Variants in EFCAB12 observed in about 807,000 individuals in gnomAD.
EFCAB12 encodes the protein EF-hand calcium binding domain 12, also known as EF-hand calcium-binding domain-containing protein 12.
In EFCAB12, 43 loss-of-function variants were observed where a neutral mutation model predicts 53.6. That is an observed-to-expected ratio of 0.80 (90% confidence interval 0.63 to 1.03). The LOEUF is 1.03. Ranked by LOEUF, EFCAB12 falls within the 50% of genes least tolerant of loss-of-function variation. EFCAB12 has a pLI of 0.00. For synonymous variants in EFCAB12, 269 were observed against 289.2 expected (o/e 0.93, Z 0.71); for missense variants, 646 against 730.6 (o/e 0.88, Z 1.34).
chr3:129,414,783 C>A (rs2072091806), intron 4 of EFCAB12: 1 of 152,584 alleles, frequency 6.6e-6, no homozygotes, highest in African/African-American at 2.4e-5. Flanking sequence ...AGCAACCCTG[C>A]CATAATACCC....
intron 1 of EFCAB12, among the ~76,000 whole-genome samples, chr3:129,424,917 C>T (rs1368667047): frequency 1.3e-5 from 2 of 152,082 alleles, no homozygotes; most frequent in East Asian, 1.9e-4. Context: ...ACTGTGGGAC[C>T]TGGGAGGGCA....
chr3:129,411,060 C>G (rs2072030874), intron 5 of EFCAB12, 98 bp downstream of exon 5: 4 of 1,378,392 alleles, frequency 2.9e-6, no homozygotes, highest in East Asian at 2.6e-5. Flanking sequence ...ACCCCCCTCC[C>G]CAGGGTTCTG....
intron 3 of EFCAB12, among the ~76,000 whole-genome samples, chr3:129,417,336 A>C (rs565478789): frequency 0.018 from 2,456 of 135,216 alleles, 68 homozygotes; most frequent in East Asian, 0.064. Flanking sequence ...AAAAAAAAAA[A>C]AAACCAAAAA....
intron 7 of EFCAB12, 102 bp downstream of exon 7, chr3:129,404,148 A>C: frequency 6.8e-7 from 1 of 1,477,584 alleles, no homozygotes; most frequent in Non-Finnish European, 9.1e-7. Flanking sequence ...AGACGCAAGC[A>C]CAGCATGGCG....
At chr3:129,408,239 T>C (rs1364767547) in intron 6 of EFCAB12, among the ~76,000 whole-genome samples, 2 of 152,234 alleles carry the variant, frequency 1.3e-5, no homozygotes, top group African/African-American at 4.8e-5. Context: ...AAAGGCTTTG[T>C]TTTGATAGCA....
rs751359158 is a variant in EFCAB12, at chr3:129,421,454, C to T, written c.399G>A (p.Thr133=). ...TGTGTAAGACCTTGGCCTCTGAAGGCGTGATGCTGGGCTTGTTCTCCAGCC... is the reference window on the plus strand; with the variant it reads ...TGTGTAAGACCTTGGCCTCTGAAGGTGTGATGCTGGGCTTGTTCTCCAGCC... ...KRWLENKPSI[T]PSEAKVLHMI... Residue 133 remains threonine, a synonymous_variant, in exon 2 of 9, where the codon ACG becomes ACA. Coordinates refer to ENST00000505956, the MANE Select transcript of EFCAB12 (RefSeq NM_207307.3). 4.1e-5 allele frequency: 66 copies of T among 1,613,932 alleles called. No individual in the cohort carries two copies. The highest frequency in any genetic ancestry group is 2.0e-4 in the South Asian group (18 of 91,096).
intron 1 of EFCAB12, among the ~76,000 whole-genome samples, chr3:129,422,807 C>G (rs1238744760): frequency 6.6e-6 from 1 of 152,170 alleles, no homozygotes. Context: ...ACAGGCTCCC[C>G]CATTCCTTTT....
At chr3:129,424,496 A>G (rs532385855) in intron 1 of EFCAB12, among the ~76,000 whole-genome samples, 19 of 152,288 alleles carry the variant, frequency 1.2e-4, no homozygotes, top group African/African-American at 3.8e-4. Flanking sequence ...GCCTTCTGCC[A>G]TGATTGTAAG....
intron 4 of EFCAB12, chr3:129,414,748 A>G (rs2072091140): frequency 6.6e-6 from 1 of 152,446 alleles, no homozygotes; most frequent in Admixed American, 6.5e-5. Flanking sequence ...AACTTGAGCC[A>G]TGTACAACCT....
chr3:129,408,638 CCCTTA>C lies in EFCAB12; in HGVS notation c.1249+2_1249+6del. 1 of 1,561,030 alleles carries C rather than the reference CCCTTA, an allele frequency of 6.4e-7. No homozygotes were observed. The highest frequency in any genetic ancestry group is 8.7e-7 in the Non-Finnish European group (1 of 1,151,534). ...ATCTTCCTAGGGCCAGCTACCGAGG[CCCTTA>C]CCTTTCATGAGGATGTCCTCTGTCA... On this transcript the variant is annotated splice_donor_variant and splice_donor_5th_base_variant and intron_variant, in intron 6 of 8. Transcript: ENST00000505956. LOFTEE classifies it high-confidence loss of function.
chr3:129,418,165 A>T (rs2072141629), intron 3 of EFCAB12, 89 bp downstream of exon 3: 1 of 1,270,098 alleles, frequency 7.9e-7, no homozygotes, highest in Non-Finnish European at 1.1e-6. Context: ...AGAACCCAGC[A>T]TGGCGGGGGA....
rs536684561 is a variant in EFCAB12 at position 129,410,210 on chromosome 3, G to C, written c.1035+948C>G. On this transcript the variant is annotated intron_variant, in intron 5 of 8. Transcript: ENST00000505956. The stretch of plus-strand genomic sequence containing the variant: ...TTTTGTGTAGAGACGGGGCCTTGCT[G>C]TGTTGCCCAGGCTGGTCTCAAACTC... Among the ~76,000 whole-genome samples, 2 of 151,768 alleles carry C rather than the reference G, an allele frequency of 1.3e-5. 1 individual carries two copies. The highest frequency in any genetic ancestry group is 4.1e-4 in the South Asian group (2 of 4,820).
At chr3:129,425,419 T>C (rs2072259357) in intron 1 of EFCAB12, among the ~76,000 whole-genome samples, 1 of 151,184 alleles carries the variant, frequency 6.6e-6, no homozygotes, top group Admixed American at 6.6e-5. Flanking sequence ...CCCTCACTCA[T>C]GTGGTCCCAG....
chr3:129,418,475 A>C (rs1222100060), intron 2 of EFCAB12, 27 bp from the exon 3 acceptor site: 2 of 1,569,508 alleles, frequency 1.3e-6, no homozygotes, highest in Admixed American at 3.8e-5. Context: ...GGTAGGGCAG[A>C]GGAGAGAGTT....
chr3:129,415,394 A>C lies in EFCAB12; in HGVS notation c.689T>G (p.Val230Gly). 6.2e-7 allele frequency: 1 copy of C among 1,613,474 alleles called. No individual in the cohort carries two copies. The highest frequency in any genetic ancestry group is 8.5e-7 in the Non-Finnish European group (1 of 1,179,772). The part of the protein sequence containing the change: ...EFIAAVKAVG[V>G]PLKNQEVEDI... ...CTCCACCTCTTGGTTCTTCAGAGGG[A>C]CTCCGACCTGAGGAGAGAGAAGACC... The change falls in exon 4 of 9, where the codon GTC (valine) becomes GGC (glycine). Residue 230 changes from valine to glycine, a missense_variant. By Grantham distance (109) the Val-to-Gly change is moderately radical. Coordinates refer to ENST00000505956, the MANE Select transcript of EFCAB12 (RefSeq NM_207307.3).
chr3:129,426,124 G>A (rs928206053), intron 1 of EFCAB12, among the ~76,000 whole-genome samples: 4 of 151,966 alleles, frequency 2.6e-5, no homozygotes, highest in Admixed American at 6.6e-5. Flanking sequence ...CTACCTCTCC[G>A]GCTATTGTTT....
chr3:129,402,430 G>C lies in EFCAB12; in HGVS notation c.1460+93C>G, dbSNP rs2071884739. On this transcript the variant is annotated intron_variant, in intron 8 of 8. Transcript: ENST00000505956. ...CAGGCCAGGGCACCGAGCCCCAGCT[G>C]TTGTGCCAGGAGTGCAGAGTCCCAG... The C allele has an allele frequency of 5.1e-6, 7 of 1,379,546 alleles. No individual in the cohort carries two copies. The Admixed American group carries it at 7.8e-5, about 15-fold the overall frequency. The allele number at this position is 1,379,546 out of a possible 1,614,324, so 85.5% of individuals were successfully genotyped here. A position where few individuals can be genotyped will look rare whatever the true frequency, so the allele number is the denominator to read the frequency against.
chr3:129,408,057 T>C (rs1250391591), intron 6 of EFCAB12, among the ~76,000 whole-genome samples: 1 of 152,156 alleles, frequency 6.6e-6, no homozygotes, highest in Non-Finnish European at 1.5e-5. Flanking sequence ...TCAGACCAGC[T>C]TGGATGTATG....
chr3:129,423,607 C>T (rs565440096), intron 1 of EFCAB12, among the ~76,000 whole-genome samples: 1 of 152,176 alleles, frequency 6.6e-6, no homozygotes, highest in East Asian at 1.9e-4. Flanking sequence ...CCAGCCTGGG[C>T]AACAGAGACC....
Sources: allele counts gnomAD v4.1 joint callset (sites outside exome capture counted in the v4.1 genomes callset), GRCh38; gene constraint gnomAD v4.1.1; transcripts MANE v1.5; gene names NCBI Gene and HGNC (gene_info 2026-07-23, HGNC 2026-07-21).